The following ETV6 variants were observed in gnomAD, a reference collection of about 807,000 sequenced individuals.
ETV6 encodes the protein ETS variant transcription factor 6.
A neutral mutation model predicts 51.1 loss-of-function variants in ETV6; 16 were observed. That is an observed-to-expected ratio of 0.31 (90% CI 0.21 to 0.48). The LOEUF (loss-of-function observed/expected upper bound fraction) is 0.48, where lower values mean the gene tolerates loss of function less well. Ranked by LOEUF, ETV6 falls within the 20% of genes least tolerant of loss-of-function variation. The pLI is 0.99. For synonymous variants in ETV6, 240 were observed against 224.1 expected, an observed-to-expected ratio of 1.07 and a Z score of -0.64; for missense variants, 458 against 594.8, an observed-to-expected ratio of 0.77 and a Z score of 2.39.
intron 1 of ETV6, among the ~76,000 whole-genome samples, chr12:11,667,268 T>C (rs1379601369): frequency 6.6e-6 from 1 of 152,192 alleles, no homozygotes; most frequent in Non-Finnish European, 1.5e-5. Flanking sequence ...GGACTTCAAG[T>C]TTCCTCCATG....
chr12:11,817,285 A>T (rs1946007451), intron 2 of ETV6, among the ~76,000 whole-genome samples: 1 of 152,204 alleles, frequency 6.6e-6, no homozygotes, highest in Admixed American at 6.5e-5. Flanking sequence ...TAGATGCCAG[A>T]AGTTAATATT....
chr12:11,790,303 A>G (rs1008382103), intron 2 of ETV6, among the ~76,000 whole-genome samples: 1 of 151,956 alleles, frequency 6.6e-6, no homozygotes, highest in Non-Finnish European at 1.5e-5. Context: ...TCTGCCTTCT[A>G]TACTCAAACG....
chr12:11,789,277 C>T (rs1020480452), intron 2 of ETV6, among the ~76,000 whole-genome samples: 3 of 152,146 alleles, frequency 2.0e-5, no homozygotes, highest in African/African-American at 7.2e-5. Flanking sequence ...CACGATTCGC[C>T]CGCCTCAGCC....
chr12:11,775,710 A>G lies in ETV6; in HGVS notation c.163+23131A>G, dbSNP rs548726983. Among the ~76,000 whole-genome samples, 80 of 152,282 alleles carry G rather than the reference A, an allele frequency of 5.3e-4. 1 individual carries two copies. In the South Asian group the frequency reaches 0.016, roughly 31 times the overall value. On this transcript the variant is annotated intron_variant, in intron 2 of 7. Transcript: ENST00000396373. ...TGCTCACACTGAGTCCACATTTATA[A>G]GTTTTCCTGTCGGGTGAGCTGCCGA...
At chr12:11,848,386 T>C (rs1424763682) in intron 3 of ETV6, among the ~76,000 whole-genome samples, 1 of 152,226 alleles carries the variant, frequency 6.6e-6, no homozygotes, top group Non-Finnish European at 1.5e-5. Context: ...TAAAATTAAG[T>C]AACTTAAATA....
At chr12:11,681,290 G>T (rs1216747058) in intron 1 of ETV6, among the ~76,000 whole-genome samples, 1 of 152,156 alleles carries the variant, frequency 6.6e-6, no homozygotes, top group African/African-American at 2.4e-5. Context: ...GGTCTTAAGT[G>T]AACATTTACA....
At chr12:11,889,744 G>T (rs1431436624) in intron 7 of ETV6, among the ~76,000 whole-genome samples, 1 of 152,190 alleles carries the variant, frequency 6.6e-6, no homozygotes, top group Admixed American at 6.5e-5. Context: ...GGTAAAGATG[G>T]CAGAAAGACC....
At chr12:11,710,839 G>A (rs1234391037) in intron 1 of ETV6, among the ~76,000 whole-genome samples, 1 of 152,172 alleles carries the variant, frequency 6.6e-6, no homozygotes, top group East Asian at 1.9e-4. Flanking sequence ...GGTACCTCTA[G>A]GACATGATGG....
chr12:11,805,787 G>A (rs145826457), intron 2 of ETV6, among the ~76,000 whole-genome samples: 1 of 152,240 alleles, frequency 6.6e-6, no homozygotes, highest in African/African-American at 2.4e-5. Flanking sequence ...TCACGTTAAG[G>A]ATTTTGATCT....
At chr12:11,886,920 A>T (rs1279254538) in intron 7 of ETV6, among the ~76,000 whole-genome samples, 1 of 152,178 alleles carries the variant, frequency 6.6e-6, no homozygotes, top group Non-Finnish European at 1.5e-5. Context: ...GCCAGAAGAG[A>T]GTGGCAGATG....
At chr12:11,690,060 GC>G (rs905637305) in intron 1 of ETV6, among the ~76,000 whole-genome samples, 1 of 152,044 alleles carries the variant, frequency 6.6e-6, no homozygotes, top group Admixed American at 6.6e-5. Flanking sequence ...GCCCATGAGT[GC>G]TTTGTGGTGC....
At chr12:11,882,816 A>G (rs1279713922) in intron 5 of ETV6, among the ~76,000 whole-genome samples, 1 of 152,174 alleles carries the variant, frequency 6.6e-6, no homozygotes, top group Non-Finnish European at 1.5e-5. Flanking sequence ...TGCAATGCGG[A>G]TGTGTTGGCT....
At chr12:11,772,229 G>A (rs954663132) in intron 2 of ETV6, among the ~76,000 whole-genome samples, 1 of 152,170 alleles carries the variant, frequency 6.6e-6, no homozygotes, top group African/African-American at 2.4e-5. Context: ...TAATTTTTCT[G>A]GAACCTTGGT....
At chr12:11,821,873 G>A (rs1946086217) in intron 2 of ETV6, among the ~76,000 whole-genome samples, 1 of 152,032 alleles carries the variant, frequency 6.6e-6, no homozygotes, top group Admixed American at 6.6e-5. Flanking sequence ...GAGATGCATT[G>A]TCACCTCCCA....
At chr12:11,803,990 A>G (rs1422852964) in intron 2 of ETV6, among the ~76,000 whole-genome samples, 1 of 152,202 alleles carries the variant, frequency 6.6e-6, no homozygotes. Context: ...TCTAAATATC[A>G]TTATCTTTTT....
At chr12:11,722,601 C>T (rs1161098274) in intron 1 of ETV6, among the ~76,000 whole-genome samples, 1 of 152,178 alleles carries the variant, frequency 6.6e-6, no homozygotes, top group Non-Finnish European at 1.5e-5. Context: ...CTCTCCTAGG[C>T]TTTCTACGTC....
At chr12:11,827,597 G>T (rs182740371) in intron 2 of ETV6, among the ~76,000 whole-genome samples, 2 of 151,986 alleles carry the variant, frequency 1.3e-5, no homozygotes, top group East Asian at 3.9e-4. Context: ...GGAATTCAGT[G>T]ATTATCAGGA....
chr12:11,684,021 T>C (rs953243112), intron 1 of ETV6, among the ~76,000 whole-genome samples: 1 of 152,234 alleles, frequency 6.6e-6, no homozygotes, highest in Admixed American at 6.5e-5. Flanking sequence ...AACAGATGTG[T>C]ATTGCCACAT....
intron 1 of ETV6, among the ~76,000 whole-genome samples, chr12:11,726,681 G>A (rs193219648): frequency 1.1e-3 from 165 of 152,224 alleles, no homozygotes; most frequent in African/African-American, 3.7e-3. Flanking sequence ...GAGGTGGGAG[G>A]ATTGCTTGAG....
Sources: gnomAD v4.1 joint callset for allele counts (sites outside exome capture counted in the v4.1 genomes callset) on GRCh38, gnomAD v4.1.1 for gene constraint, MANE v1.5 for transcripts, NCBI Gene and HGNC (gene_info 2026-07-23, HGNC 2026-07-21) for gene names.